The following CFAP47 variants were observed in gnomAD, a reference collection of about 807,000 sequenced individuals.
CFAP47 encodes cilia- and flagella-associated protein 47.
Under a neutral mutation model 148.1 loss-of-function variants are expected in CFAP47, and 29 were observed. The ratio of observed to expected loss-of-function variants is 0.20; its 90% CI spans 0.15 to 0.27. The LOEUF (loss-of-function observed/expected upper bound fraction) is 0.27. Ranked by LOEUF, CFAP47 falls within the 10% of genes least tolerant of loss-of-function variation. The probability of loss-of-function intolerance (pLI) is 1.00; values close to 1 mark genes in which losing one functional copy is unlikely to be tolerated. For synonymous variants in CFAP47, 664 were observed against 577.3 expected (o/e 1.15, Z -2.15); for missense variants, 1,872 against 1,697.5 (o/e 1.10, Z -1.81).
At chrX:36,177,702 A>T (rs1056476373) in intron 39 of CFAP47, among the ~76,000 whole-genome samples, 6 of 112,390 alleles carry the variant, frequency 5.3e-5, no homozygotes, top group African/African-American at 1.6e-4. Context: ...AAGCATCAGA[A>T]ATATCAATTT....
chrX:35,975,138 T>A lies in CFAP47; in HGVS notation c.2255-9T>A. 9.3e-7 allele frequency: 1 copy of A among 1,076,541 alleles called. No homozygotes were observed. 88.7% of individuals were successfully genotyped at this position (1,076,541 alleles called of 1,213,427 possible). A position where few individuals can be genotyped will look rare whatever the true frequency, so the allele number is the denominator to read the frequency against. On this transcript the variant is annotated splice_polypyrimidine_tract_variant and intron_variant, in intron 13 of 63. Coordinates refer to ENST00000378653, the MANE Select transcript of CFAP47 (RefSeq NM_001304548.2). ...TAAACTTAACAAAATACTTTTCATT[T>A]TTTTTCAGGGCCTTCTGTCCTTAAC...
chrX:36,036,026 G>T (rs953852492), intron 24 of CFAP47, among the ~76,000 whole-genome samples, 172 bp downstream of exon 24: 2 of 110,910 alleles, frequency 1.8e-5, no homozygotes, highest in Non-Finnish European at 3.8e-5. Flanking sequence ...TTATTTAATT[G>T]ACAAAGTTGG....
At chrX:35,954,157 G>C (rs1431435048) in intron 7 of CFAP47, among the ~76,000 whole-genome samples, 2 of 111,068 alleles carry the variant, frequency 1.8e-5, no homozygotes, top group East Asian at 2.8e-4. Flanking sequence ...TAGGGTACAG[G>C]ACAGTGTTAT....
intron 59 of CFAP47, among the ~76,000 whole-genome samples, chrX:36,353,142 G>A (rs1941756923): frequency 9.1e-6 from 1 of 110,267 alleles, no homozygotes; most frequent in Non-Finnish European, 1.9e-5. Context: ...GTAAAGTTTA[G>A]TATTATCACA....
intron 51 of CFAP47, among the ~76,000 whole-genome samples, chrX:36,294,645 G>A (rs953044475): frequency 2.3e-4 from 26 of 110,805 alleles, no homozygotes; most frequent in East Asian, 2.8e-4. Flanking sequence ...CCAGGAGGCG[G>A]AGCTTGCAGT....
At chrX:35,988,993 A>G (rs1463665599) in intron 15 of CFAP47, among the ~76,000 whole-genome samples, 1 of 112,168 alleles carries the variant, frequency 8.9e-6, no homozygotes, top group Non-Finnish European at 1.9e-5. Context: ...TCTACTGTCT[A>G]TATGTAAATT....
At chrX:36,151,039 A>G (rs1189036349) in intron 37 of CFAP47, among the ~76,000 whole-genome samples, 1 of 112,151 alleles carries the variant, frequency 8.9e-6, no homozygotes, top group Non-Finnish European at 1.9e-5. Flanking sequence ...AGTGAAAAGG[A>G]TGAAGTTTCT....
chrX:36,156,229 G>T (rs1308089966), intron 37 of CFAP47, among the ~76,000 whole-genome samples: 1 of 110,537 alleles, frequency 9.0e-6, no homozygotes, highest in Non-Finnish European at 1.9e-5. Flanking sequence ...ACAAAAAAAT[G>T]AGTAATTTTA....
chrX:36,326,608 C>CAA (rs1303173970), intron 57 of CFAP47, among the ~76,000 whole-genome samples: 1 of 111,944 alleles, frequency 8.9e-6, no homozygotes, highest in African/African-American at 3.2e-5. Context: ...TATGCTTTAG[C>CAA]AAAGAGACTG....
intron 39 of CFAP47, among the ~76,000 whole-genome samples, chrX:36,170,984 C>A (rs1244462459): frequency 9.1e-6 from 1 of 110,447 alleles, no homozygotes; most frequent in Non-Finnish European, 1.9e-5. Context: ...TTAATGATTG[C>A]CATTCTACCT....
chrX:36,138,150 A>G, intron 34 of CFAP47, 95 bp downstream of exon 34: 1 of 537,169 alleles, frequency 1.9e-6, no homozygotes, highest in Non-Finnish European at 2.9e-6. Flanking sequence ...GATTATTTCG[A>G]ATGTCTTACA....
In CFAP47 at chrX:36,348,157, A is replaced by T. The variant is rs1364865990; in HGVS notation, c.8472A>T (p.Ile2824=). ...TTGCACTGCCTCCTAAAGGAAATATAGATATCTCATTGTTATTTATACCTC... is the reference window on the plus strand; with the variant it reads ...TTGCACTGCCTCCTAAAGGAAATATTGATATCTCATTGTTATTTATACCTC... ...QGIALPPKGN[I]DISLLFIPQI... Residue 2824 remains isoleucine, a synonymous_variant, in exon 58 of 64, where the codon ATA becomes ATT. Transcript: ENST00000378653. The T allele has an allele frequency of 9.6e-6, 10 of 1,037,132 alleles. No homozygotes were observed. The highest frequency in any genetic ancestry group is 2.5e-4 in the Middle Eastern group (1 of 3,945). 85.5% of individuals were successfully genotyped at this position (1,037,132 alleles called of 1,213,427 possible). A position where few individuals can be genotyped will look rare whatever the true frequency, so the allele number is the denominator to read the frequency against.
intron 37 of CFAP47, among the ~76,000 whole-genome samples, chrX:36,150,706 G>A (rs749937591): frequency 5.4e-4 from 60 of 111,014 alleles, no homozygotes; most frequent in Non-Finnish European, 1.9e-4. Context: ...ATTAGCCTAT[G>A]TTAGCTTTCT....
intron 45 of CFAP47, among the ~76,000 whole-genome samples, chrX:36,218,652 A>G (rs1400963912): frequency 8.9e-6 from 1 of 112,104 alleles, no homozygotes; most frequent in African/African-American, 3.2e-5. Context: ...TTCTGAGCCA[A>G]TATGAGTGAC....
chrX:35,997,182 A>G (rs1028037903), intron 18 of CFAP47, 130 bp from the exon 19 acceptor site: 27 of 250,804 alleles, frequency 1.1e-4, no homozygotes, highest in African/African-American at 4.8e-4. Context: ...ACCAGAAAAA[A>G]TCTTGTGCAT....
At chrX:36,150,006 A>G (rs1253298474) in intron 37 of CFAP47, among the ~76,000 whole-genome samples, 2 of 110,980 alleles carry the variant, frequency 1.8e-5, no homozygotes, top group African/African-American at 6.6e-5. Context: ...ACCAGAAAAT[A>G]AAAGGTTCAT....
chrX:36,166,149 C>T (rs1442690342), intron 39 of CFAP47, among the ~76,000 whole-genome samples: 2 of 111,864 alleles, frequency 1.8e-5, no homozygotes, highest in Non-Finnish European at 3.8e-5. Flanking sequence ...CCTGATCCAG[C>T]TTTCATCTCA....
intron 39 of CFAP47, among the ~76,000 whole-genome samples, chrX:36,172,685 G>A (rs940765689): frequency 9.0e-5 from 10 of 111,439 alleles, no homozygotes; most frequent in African/African-American, 3.3e-4. Context: ...TTGATGTGCT[G>A]CTGGATTCGG....
At chrX:36,002,613 C>CA (rs771229041) in intron 21 of CFAP47, among the ~76,000 whole-genome samples, 39 of 111,063 alleles carry the variant, frequency 3.5e-4, no homozygotes, top group African/African-American at 1.3e-3. Context: ...AACAAACAAA[C>CA]AAAAAACTGC....
Sources: gnomAD v4.1 joint callset for allele counts (sites outside exome capture counted in the v4.1 genomes callset) on GRCh38, gnomAD v4.1.1 for gene constraint, MANE v1.5 for transcripts, NCBI Gene and HGNC (gene_info 2026-07-23, HGNC 2026-07-21) for gene names.